The following ZNF708 variants were observed in gnomAD, a reference collection of about 807,000 sequenced individuals.
The protein encoded by ZNF708 is zinc finger protein 708.
ZNF708 carries 44 observed loss-of-function variants against 47.0 expected under a neutral mutation model. That is an observed-to-expected ratio of 0.94 (90% CI 0.74 to 1.20). The LOEUF (loss-of-function observed/expected upper bound fraction) is 1.20. Among genes scored for constraint, ZNF708 ranks in the 50% most tolerant of loss-of-function variants. The pLI, the probability that ZNF708 is intolerant of heterozygous loss-of-function variation, is 0.00. For missense variants in ZNF708, 557 were observed against 656.0 expected, an observed-to-expected ratio of 0.85 and a Z score of 1.65; for synonymous variants, 184 against 218.5, an observed-to-expected ratio of 0.84 and a Z score of 1.39.
intron 1 of ZNF708, among the ~76,000 whole-genome samples, chr19:21,328,982 G>A (rs11085443): frequency 0.7 from 106,715 of 152,028 alleles, 37,594 homozygotes; most frequent in Middle Eastern, 0.77. Context: ...GAGGGCTGCA[G>A]GCCAGGGCAC....
At chr19:21,321,563 C>G (rs1354781690) in intron 1 of ZNF708, among the ~76,000 whole-genome samples, 2 of 128,502 alleles carry the variant, frequency 1.6e-5, no homozygotes, top group Non-Finnish European at 3.1e-5. Flanking sequence ...GCCAGGGTGA[C>G]AGAGCAAGGC....
intron 1 of ZNF708, among the ~76,000 whole-genome samples, chr19:21,320,305 T>C (rs1029905391): frequency 6.6e-6 from 1 of 152,184 alleles, no homozygotes; most frequent in African/African-American, 2.4e-5. Context: ...GACACACACA[T>C]GCACATGCAT....
intron 3 of ZNF708, among the ~76,000 whole-genome samples, chr19:21,295,327 C>T (rs757401648): frequency 8.5e-5 from 13 of 152,174 alleles, no homozygotes; most frequent in Non-Finnish European, 1.8e-4. Flanking sequence ...TAACATACTT[C>T]TTTAACTTAA....
rs1972403890 is a variant in ZNF708, at chr19:21,291,987, TAACAGTCAG to T, written c.*1278_*1286del. On this transcript the variant is annotated 3_prime_UTR_variant, in exon 4 of 4. Coordinates refer to ENST00000356929, the MANE Select transcript of ZNF708 (RefSeq NM_021269.3). ...TCTACCGTTAGTTTGGGATCATTTT[TAACAGTCAG>T]CACTTTGATATAGTGTAATGTCTGA... The T allele has an allele frequency of 6.6e-6, 1 of 152,182 alleles. No individual in the cohort carries two copies. Among genetic ancestry groups the T allele is most frequent in the Non-Finnish European group, 1.5e-5 (1 of 68,036 alleles). The allele number at this position is 152,182 out of a possible 1,614,324, so 9.4% of individuals were successfully genotyped here. A position where few individuals can be genotyped will look rare whatever the true frequency, so the allele number is the denominator to read the frequency against.
In ZNF708 at chr19:21,294,133, T is replaced by G; in HGVS notation, c.833A>C (p.Lys278Thr). The G allele has an allele frequency of 6.2e-7, 1 of 1,612,566 alleles. No individual in the cohort carries two copies. The highest frequency in any genetic ancestry group is 1.1e-5 in the South Asian group (1 of 90,978). ...GCCACATTCTTCACATTTGTAGGGT[T>G]TCTCTCCAGTATGAACTATCTTATG... Reference protein sequence around the residue: ...TKHKIVHTGEKPYKCEECGKA... With the variant: ...TKHKIVHTGETPYKCEECGKA... The change falls in exon 4 of 4, where the codon AAA (lysine) becomes ACA (threonine). Residue 278 changes from lysine (K) to threonine (T), a missense_variant. Coordinates refer to ENST00000356929, the MANE Select transcript of ZNF708 (RefSeq NM_021269.3).
At chr19:21,296,370 C>T (rs1237644204) in intron 3 of ZNF708, among the ~76,000 whole-genome samples, 2 of 151,958 alleles carry the variant, frequency 1.3e-5, no homozygotes, top group Non-Finnish European at 2.9e-5. Flanking sequence ...GGCGTGGTCA[C>T]GTGCCCCTGT....
At chr19:21,308,674 G>C (rs776383249) in intron 3 of ZNF708, among the ~76,000 whole-genome samples, 21 of 152,102 alleles carry the variant, frequency 1.4e-4, no homozygotes, top group Non-Finnish European at 2.6e-4. Flanking sequence ...GCCTCCCAAA[G>C]TGATAGGATT....
Position 21,294,564 on chromosome 19 carries a change from A to T in ZNF708, c.402T>A (p.Thr134=). 1 of 1,614,102 alleles carries T rather than the reference A, an allele frequency of 6.2e-7. No individual in the cohort carries two copies. The highest frequency in any genetic ancestry group is 1.1e-5 in the South Asian group (1 of 91,088). ...CACACTGAACTATTTTGCTCTGGGT[A>T]GTTGTCACACACCGGTTAAGTCCCT... The part of the protein sequence containing the change: ...GHKGLNRCVT[T]TQSKIVQCDK... The change falls in exon 4 of 4, where the codon ACT becomes ACA. Residue 134 remains threonine (T), a synonymous_variant. Transcript: ENST00000356929.
chr19:21,297,191 G>A (rs2968066), intron 3 of ZNF708, among the ~76,000 whole-genome samples: 129,032 of 134,938 alleles, frequency 0.96, 61,903 homozygotes, highest in Middle Eastern at 1. Flanking sequence ...AGCAACATCA[G>A]TAACAAAGTA....
intron 1 of ZNF708, among the ~76,000 whole-genome samples, chr19:21,325,501 T>C (rs1973237688): frequency 6.6e-6 from 1 of 152,196 alleles, no homozygotes; most frequent in Non-Finnish European, 1.5e-5. Context: ...ACTGGGATAA[T>C]TGGCTAGCCA....
At chr19:21,327,251 C>G (rs375362438) in intron 1 of ZNF708, among the ~76,000 whole-genome samples, 3 of 151,630 alleles carry the variant, frequency 2.0e-5, no homozygotes, top group African/African-American at 7.3e-5. Flanking sequence ...GTGTCTAGAC[C>G]GGGCGCGGTG....
intron 1 of ZNF708, among the ~76,000 whole-genome samples, chr19:21,323,248 C>T (rs1260739286): frequency 6.6e-6 from 1 of 152,180 alleles, no homozygotes; most frequent in Admixed American, 6.5e-5. Flanking sequence ...TATCACATAG[C>T]AGACACCGAC....
rs1471014560 is a variant in ZNF708 at position 21,292,760 on chromosome 19, T to C, written c.*514A>G. 2 of 156,896 alleles carry C rather than the reference T, an allele frequency of 1.3e-5. No homozygotes were observed. Among genetic ancestry groups the C allele is most frequent in the African/African-American group, 2.4e-5 (1 of 41,482 alleles). The allele number at this position is 156,896 out of a possible 1,614,324, so 9.7% of individuals were successfully genotyped here. A position where few individuals can be genotyped will look rare whatever the true frequency, so the allele number is the denominator to read the frequency against. On this transcript the variant is annotated 3_prime_UTR_variant, in exon 4 of 4. Transcript: ENST00000356929. ...TGAGTAAGATGTGAGCAGACATTAA[T>C]GGCTTTTTCACAGTCTTTATATTGG...
chr19:21,297,792 T>C (rs1279866834), intron 3 of ZNF708, among the ~76,000 whole-genome samples: 1 of 152,132 alleles, frequency 6.6e-6, no homozygotes, highest in Non-Finnish European at 1.5e-5. Context: ...AGAAATTTTA[T>C]GTAAATATTA....
intron 3 of ZNF708, among the ~76,000 whole-genome samples, chr19:21,297,764 A>C (rs1217054487): frequency 1.3e-5 from 2 of 152,138 alleles, no homozygotes; most frequent in Non-Finnish European, 2.9e-5. Context: ...AAAAGACTGA[A>C]AGTAGCAAGA....
chr19:21,306,227 T>A (rs1215436133), intron 3 of ZNF708, among the ~76,000 whole-genome samples: 1 of 151,910 alleles, frequency 6.6e-6, no homozygotes, highest in African/African-American at 2.4e-5. Context: ...ACCATTAAGA[T>A]TTAACTGCAT....
intron 1 of ZNF708, among the ~76,000 whole-genome samples, chr19:21,328,576 T>C (rs542407750): frequency 6.6e-6 from 1 of 152,128 alleles, no homozygotes; most frequent in Non-Finnish European, 1.5e-5. Context: ...AATAATTAAG[T>C]GGCAGGCAAT....
At chr19:21,304,838 A>G (rs1347260655) in intron 3 of ZNF708, among the ~76,000 whole-genome samples, 1 of 152,188 alleles carries the variant, frequency 6.6e-6, no homozygotes, top group African/African-American at 2.4e-5. Flanking sequence ...ATGTCACTGC[A>G]CTACAGCCTG....
intron 3 of ZNF708, among the ~76,000 whole-genome samples, chr19:21,299,700 G>A (rs1972614671): frequency 6.6e-6 from 1 of 150,968 alleles, no homozygotes; most frequent in Non-Finnish European, 1.5e-5. Context: ...TTGAACCCAG[G>A]AGGCGGAGGT....
Sources: gnomAD v4.1 joint callset for allele counts (sites outside exome capture counted in the v4.1 genomes callset) on GRCh38, gnomAD v4.1.1 for gene constraint, MANE v1.5 for transcripts, NCBI Gene and HGNC (gene_info 2026-07-23, HGNC 2026-07-21) for gene names.